The following LRFN5 variants were observed in gnomAD, a reference collection of about 807,000 sequenced individuals.
The protein encoded by LRFN5 is leucine-rich repeat and fibronectin type-III domain-containing protein 5.
Under a neutral mutation model 45.6 loss-of-function variants are expected in LRFN5, and 24 were observed. The observed-to-expected ratio is 0.53, with a 90% CI of 0.38 to 0.74. LRFN5 has a LOEUF of 0.74. Ranked by LOEUF, LRFN5 falls within the 30% of genes least tolerant of loss-of-function variation. The pLI, the probability that LRFN5 is intolerant of heterozygous loss-of-function variation, is 0.00. For missense variants in LRFN5, 776 were observed against 861.5 expected, an observed-to-expected ratio of 0.90 and a Z score of 1.24; for synonymous variants, 340 against 313.8, an observed-to-expected ratio of 1.08 and a Z score of -0.88.
At chr14:41,710,200 A>G (rs1883225933) in intron 1 of LRFN5, among the ~76,000 whole-genome samples, 1 of 152,180 alleles carries the variant, frequency 6.6e-6, no homozygotes, top group Non-Finnish European at 1.5e-5. Flanking sequence ...CCAATATAAT[A>G]CTGCAAGAAA....
At chr14:41,758,252 A>G (rs901126227) in intron 1 of LRFN5, among the ~76,000 whole-genome samples, 4 of 152,184 alleles carry the variant, frequency 2.6e-5, no homozygotes, top group African/African-American at 9.7e-5. Context: ...TAAGGATGAC[A>G]TATTTCAATA....
At chr14:41,671,617 GTTTTTTTT>G (rs914212982) in intron 1 of LRFN5, among the ~76,000 whole-genome samples, 21 of 78,020 alleles carry the variant, frequency 2.7e-4, no homozygotes, top group African/African-American at 8.6e-4. Flanking sequence ...TTTTTTTTTC[GTTTTTTTT>G]TTTTTTTTTT....
At chr14:41,813,520 G>A (rs1269568444) in intron 2 of LRFN5, among the ~76,000 whole-genome samples, 1 of 152,146 alleles carries the variant, frequency 6.6e-6, no homozygotes, top group Admixed American at 6.6e-5. Flanking sequence ...CAAAGGACAT[G>A]AACTCACTCT....
At chr14:41,904,024 T>G (rs1891174981) in intron 5 of LRFN5, 134 bp from the exon 6 acceptor site, 5 of 674,404 alleles carry the variant, frequency 7.4e-6, no homozygotes, top group Non-Finnish European at 1.2e-5. Flanking sequence ...CTGTATTTCA[T>G]GGCAAGCAAC....
At chr14:41,660,511 A>G (rs1385792785) in intron 1 of LRFN5, among the ~76,000 whole-genome samples, 1 of 152,098 alleles carries the variant, frequency 6.6e-6, no homozygotes, top group African/African-American at 2.4e-5. Flanking sequence ...TAGCTGTGCC[A>G]GCATTTTCTA....
intron 2 of LRFN5, among the ~76,000 whole-genome samples, chr14:41,837,337 C>T (rs888509652): frequency 2.6e-5 from 4 of 152,024 alleles, no homozygotes; most frequent in Non-Finnish European, 5.9e-5. Flanking sequence ...GCCCACTGCT[C>T]TGCCCCTGTG....
intron 1 of LRFN5, among the ~76,000 whole-genome samples, chr14:41,621,201 A>AT (rs1888124535): frequency 1.3e-5 from 2 of 152,000 alleles, no homozygotes; most frequent in Admixed American, 6.6e-5. Flanking sequence ...CATTCTAAAG[A>AT]TTTTTTTCTA....
intron 2 of LRFN5, among the ~76,000 whole-genome samples, chr14:41,805,981 A>T (rs1055978115): frequency 6.6e-6 from 1 of 152,138 alleles, no homozygotes; most frequent in Non-Finnish European, 1.5e-5. Context: ...AGACCTACAG[A>T]TCTGCAGTTG....
At chr14:41,892,973 T>A (rs1890832919) in intron 4 of LRFN5, 1 of 985,270 alleles carries the variant, frequency 1.0e-6, no homozygotes, top group African/African-American at 1.7e-5. Context: ...AAGGGGTGTT[T>A]ATTTTTATCA....
chr14:41,768,333 C>G (rs570128133), intron 2 of LRFN5, among the ~76,000 whole-genome samples: 26 of 152,024 alleles, frequency 1.7e-4, no homozygotes, highest in South Asian at 1.0e-3. Context: ...AATAATATAT[C>G]TAGATTATAT....
chr14:41,786,894 C>T (rs886283716), intron 2 of LRFN5, among the ~76,000 whole-genome samples: 1 of 151,888 alleles, frequency 6.6e-6, no homozygotes, highest in East Asian at 1.9e-4. Flanking sequence ...TTAAACCTTT[C>T]TTCTACTGTG....
intron 2 of LRFN5, among the ~76,000 whole-genome samples, chr14:41,856,512 T>G (rs958132810): frequency 1.3e-5 from 2 of 151,862 alleles, no homozygotes; most frequent in Admixed American, 6.6e-5. Flanking sequence ...AAAAAACTTA[T>G]GGGGTGTGTT....
At chr14:41,832,119 A>T (rs529974209) in intron 2 of LRFN5, among the ~76,000 whole-genome samples, 24 of 152,220 alleles carry the variant, frequency 1.6e-4, no homozygotes, top group Admixed American at 2.0e-4. Flanking sequence ...TCAATATATG[A>T]ATTTTGTGGG....
intron 1 of LRFN5, among the ~76,000 whole-genome samples, chr14:41,610,466 A>G (rs774845586): frequency 6.6e-6 from 1 of 151,644 alleles, no homozygotes; most frequent in South Asian, 2.1e-4. Context: ...TATTGTTTCT[A>G]GTTGAAACAC....
chr14:41,641,470 T>G (rs1029296485), intron 1 of LRFN5, among the ~76,000 whole-genome samples: 1 of 152,088 alleles, frequency 6.6e-6, no homozygotes, highest in African/African-American at 2.4e-5. Context: ...TTATAACACA[T>G]TTTTCGATAT....
chr14:41,736,727 A>G lies in LRFN5; in HGVS notation c.-196-30127A>G, dbSNP rs530390391. On this transcript the variant is annotated intron_variant, in intron 1 of 5. Transcript: ENST00000298119. Reference sequence around the variant, plus strand: ...ATCAGAGAATACTATAAACACCTCTATGTAAATAAACTAGAAAATCTAGAG... The same window carrying G: ...ATCAGAGAATACTATAAACACCTCTGTGTAAATAAACTAGAAAATCTAGAG... Among the ~76,000 whole-genome samples, 6 of 152,344 alleles carry G rather than the reference A, an allele frequency of 3.9e-5. No individual in the cohort carries two copies. In the South Asian group the frequency reaches 1.2e-3, roughly 32 times the overall value.
At chr14:41,670,447 A>G (rs940976603) in intron 1 of LRFN5, among the ~76,000 whole-genome samples, 2 of 150,894 alleles carry the variant, frequency 1.3e-5, no homozygotes, top group Admixed American at 6.6e-5. Context: ...GACAGTTTAA[A>G]TGCATTAACC....
intron 1 of LRFN5, among the ~76,000 whole-genome samples, chr14:41,626,646 C>T (rs1888344880): frequency 6.6e-6 from 1 of 151,950 alleles, no homozygotes; most frequent in Non-Finnish European, 1.5e-5. Flanking sequence ...GTGTATTGTG[C>T]ATCTCTACGT....
At chr14:41,725,589 A>G (rs1052745213) in intron 1 of LRFN5, among the ~76,000 whole-genome samples, 6 of 152,136 alleles carry the variant, frequency 3.9e-5, no homozygotes, top group African/African-American at 1.2e-4. Context: ...ACATTTCTTT[A>G]ATGTATACAT....
Sources: allele counts gnomAD v4.1 joint callset (sites outside exome capture counted in the v4.1 genomes callset), GRCh38; gene constraint gnomAD v4.1.1; transcripts MANE v1.5; gene names NCBI Gene and HGNC (gene_info 2026-07-23, HGNC 2026-07-21).